TTC14: variants seen among roughly 807,000 people sequenced by gnomAD.
TTC14 encodes tetratricopeptide repeat domain 14.
In TTC14, 63 loss-of-function variants were observed where a neutral mutation model predicts 79.9. That is an observed-to-expected ratio of 0.79 (90% CI 0.64 to 0.97). The LOEUF (loss-of-function observed/expected upper bound fraction) is 0.97, where lower values mean the gene tolerates loss of function less well. Among genes scored for constraint, TTC14 ranks in the 50% least tolerant of loss-of-function variants. The probability of loss-of-function intolerance (pLI) is 0.00; values close to 1 mark genes in which losing one functional copy is unlikely to be tolerated. For synonymous variants in TTC14, 335 were observed against 309.6 expected (o/e 1.08, Z -0.86); for missense variants, 895 against 894.0 (o/e 1.00, Z -0.01).
chr3:180,608,207 A>G (rs1716796575), intron 10 of TTC14: 1 of 991,008 alleles, frequency 1.0e-6, no homozygotes, highest in South Asian at 4.6e-5. Flanking sequence ...ATCCCCATCC[A>G]CAAACTGGAA....
At chr3:180,616,279 A>G (rs1392482298) in intron 12 of TTC14, 2 of 1,612,992 alleles carry the variant, frequency 1.2e-6, no homozygotes, top group Non-Finnish European at 1.7e-6. Context: ...CCCTCCGCTT[A>G]CCTTGCTGAT....
chr3:180,612,155 G>A (rs142068410), downstream of TTC14, among the ~76,000 whole-genome samples: 1,041 of 152,222 alleles, frequency 6.8e-3, 12 homozygotes, highest in African/African-American at 0.023. Flanking sequence ...TCTTTACAAA[G>A]TCGTGTTTAT....
chr3:180,605,820 A>T lies in TTC14; in HGVS notation c.912A>T (p.Ala304=), dbSNP rs779265415. ...FASALRKKQS[A]SWALKCVKIG... is the part of the protein sequence containing the mutation. ...CTGCATTGAGAAAAAAACAATCCGC[A>T]TCTTGGGCTTTAAAATGGTATGAAG... The change falls in exon 7 of 12, where the codon GCA becomes GCT. Residue 304 remains alanine, a synonymous_variant. Transcript: ENST00000296015. 1 of 1,574,474 alleles carries T rather than the reference A, an allele frequency of 6.4e-7. No homozygotes were observed. The highest frequency in any genetic ancestry group is 2.3e-5 in the East Asian group (1 of 43,184).
Position 180,610,890 on chromosome 3 carries a change from T to G in TTC14, c.*348T>G, listed in dbSNP as rs556893771. On this transcript the variant is annotated 3_prime_UTR_variant, in exon 12 of 12. Transcript: ENST00000296015. ...CTTATTCTGCTGTTTGAGAGAAAAA[T>G]TTGTGCATTGAACACTTGGATCATT... 51 of 987,864 alleles carry G rather than the reference T, an allele frequency of 5.2e-5. No individual in the cohort carries two copies. The South Asian group carries it at 2.2e-3, about 42-fold the overall frequency. 61.2% of individuals were successfully genotyped at this position (987,864 alleles called of 1,614,324 possible). A position where few individuals can be genotyped will look rare whatever the true frequency, so the allele number is the denominator to read the frequency against.
At chr3:180,612,560 T>G (rs533124330), downstream of TTC14, among the ~76,000 whole-genome samples, 50 of 152,162 alleles carry the variant, frequency 3.3e-4, no homozygotes, top group African/African-American at 1.0e-3. Flanking sequence ...AGGCTAGAAA[T>G]TTGAGACTGG....
chr3:180,614,757 A>G, downstream of TTC14: 2 of 575,620 alleles, frequency 3.5e-6, no homozygotes, highest in Admixed American at 3.7e-5. Flanking sequence ...TGAAGAAAAC[A>G]GTAGAGAAAA....
At chr3:180,607,505 A>G in intron 9 of TTC14, 143 bp from the exon 10 acceptor site, 1 of 1,264,558 alleles carries the variant, frequency 7.9e-7, no homozygotes, top group Non-Finnish European at 1.0e-6. Context: ...AGTAAAAAGC[A>G]TATTATTTTG....
At position 180,608,753 on chromosome 3, in the gene TTC14, CAAA is replaced by C. The variant is rs748894771; in HGVS notation, c.1344_1346del (p.Lys450del). 2 of 1,559,228 alleles carry C rather than the reference CAAA, an allele frequency of 1.3e-6. No homozygotes were observed. The highest frequency in any genetic ancestry group is 2.8e-5 in the African/African-American group (2 of 72,184). On this transcript the variant is annotated inframe_deletion, in exon 11 of 12. Transcript: ENST00000296015. ...GCTGAAAAGGAAGAAAAGCAGAAAA[CAAA>C]GAAAATAGAAACAAGTGCAGAAAAG...
At chr3:180,603,406 G>T in intron 3 of TTC14, 83 bp downstream of exon 3, 1 of 1,182,030 alleles carries the variant, frequency 8.5e-7, no homozygotes. Context: ...ATGCAGTTGT[G>T]CTCAAGTATA....
At position 180,616,328 on chromosome 3, in the gene TTC14, G is replaced by A. The variant is rs1279047184; in HGVS notation, c.1775-1052G>A. The A allele has an allele frequency of 1.2e-6, 2 of 1,613,242 alleles. No homozygotes were observed. Among genetic ancestry groups the A allele is most frequent in the Admixed American group, 1.7e-5 (1 of 59,912 alleles). ...AAGGAGATCTAGAGCTCTGACGACT[G>A]CCTTTTGTGCTAGCTGTAGGTAGTT... is the stretch of plus-strand genomic sequence containing the variant. On this transcript the variant is annotated intron_variant, in intron 12 of 12. Coordinates refer to the TTC14 transcript ENST00000382584.
Position 180,610,409 on chromosome 3 carries a change from C to G in TTC14, c.2180C>G (p.Pro727Arg). 6.2e-7 allele frequency: 1 copy of G among 1,613,680 alleles called. No individual in the cohort carries two copies. The stretch of plus-strand genomic sequence containing the variant: ...GGGGAGGATATCAAAACAGAGGTTC[C>G]AGAAGAAGATGCACTAAGTAGCAAA... ...NYGEDIKTEV[P>R]EEDALSSKEH... The change falls in exon 12 of 12, where the codon CCA (proline) becomes CGA (arginine). Residue 727 changes from proline to arginine, a missense_variant. Physicochemically the swap from Pro to Arg is moderately radical, Grantham distance 103. Coordinates refer to ENST00000296015, the MANE Select transcript of TTC14 (RefSeq NM_133462.4).
chr3:180,605,466 A>G, intron 6 of TTC14: 2 of 221,442 alleles, frequency 9.0e-6, no homozygotes, highest in East Asian at 1.5e-4. Context: ...GATTTTTAGT[A>G]GAGTTGGGGT....
At chr3:180,611,392 T>A (rs539352850), downstream of TTC14, among the ~76,000 whole-genome samples, 29 of 152,264 alleles carry the variant, frequency 1.9e-4, no homozygotes, top group South Asian at 5.4e-3. Context: ...GAAAGAAAAT[T>A]GGGAGACTCT....
downstream of TTC14, among the ~76,000 whole-genome samples, chr3:180,615,650 G>A (rs1272337969): frequency 6.6e-6 from 1 of 151,964 alleles, no homozygotes; most frequent in East Asian, 1.9e-4. Context: ...ATTTTTACCT[G>A]GACTAAGGAA....
chr3:180,602,495 G>T lies in TTC14; in HGVS notation c.161+73G>T. ...CTGGCAGCCACTACCGCAGCCCCGG[G>T]TTTGCGTCTAGAGGAAGTGGAGCCG... is the stretch of plus-strand genomic sequence containing the variant. On this transcript the variant is annotated intron_variant, in intron 1 of 11. Transcript: ENST00000296015. 4.0e-6 allele frequency: 6 copies of T among 1,492,898 alleles called. No homozygotes were observed. In the South Asian group the frequency reaches 6.5e-5, roughly 16 times the overall value. The allele number at this position is 1,492,898 out of a possible 1,614,324, so 92.5% of individuals were successfully genotyped here.
At chr3:180,609,395 AAGT>A (rs1716864541) in intron 11 of TTC14, 31 of 1,199,118 alleles carry the variant, frequency 2.6e-5, no homozygotes, top group Non-Finnish European at 3.2e-5. Context: ...GTGTTGAAAA[AAGT>A]CTGTCTTTCA....
chr3:180,610,373 A>G lies in TTC14; in HGVS notation c.2144A>G (p.Glu715Gly), dbSNP rs1431379384. ...LNTNQGEYER[E>G]DNYGEDIKTE... ...ACAAATCAAGGAGAATATGAAAGAGAGGACAATTATGGGGAGGATATCAAA... is the reference window on the plus strand; with the variant it reads ...ACAAATCAAGGAGAATATGAAAGAGGGGACAATTATGGGGAGGATATCAAA... The change falls in exon 12 of 12, where the codon GAG becomes GGG. Residue 715 changes from glutamate to glycine, a missense_variant. Coordinates refer to ENST00000296015, the MANE Select transcript of TTC14 (RefSeq NM_133462.4). The G allele has an allele frequency of 1.2e-5, 19 of 1,613,638 alleles. No individual in the cohort carries two copies. In the East Asian group the frequency reaches 2.0e-4, roughly 17 times the overall value.
Position 180,610,486 on chromosome 3 carries a change from A to G in TTC14, c.2257A>G (p.Ile753Val), listed in dbSNP as rs1244735802. The change falls in exon 12 of 12, where the codon ATA becomes GTA. Residue 753 changes from isoleucine (I) to valine (V), a missense_variant. By Grantham distance (29) the Ile-to-Val change is conservative (BLOSUM62 3). Transcript: ENST00000296015. ...KKNLPQNLLN[I>V]FNQIAEFEKE... ...AAATTTACCTCAGAATTTACTGAAT[A>G]TATTTAATCAGATAGCTGAATTTGA... 4 of 1,592,082 alleles carry G rather than the reference A, an allele frequency of 2.5e-6. No individual in the cohort carries two copies. Among genetic ancestry groups the G allele is most frequent in the East Asian group, 2.2e-5 (1 of 44,770 alleles).
downstream of TTC14, chr3:180,614,657 G>T: frequency 6.0e-6 from 2 of 333,382 alleles, no homozygotes; most frequent in Non-Finnish European, 1.1e-5. Context: ...CTAACACTAC[G>T]AACATCAGAA....
Sources: allele counts gnomAD v4.1 joint callset (sites outside exome capture counted in the v4.1 genomes callset), GRCh38; gene constraint gnomAD v4.1.1; transcripts MANE v1.5; gene names NCBI Gene and HGNC (gene_info 2026-07-23, HGNC 2026-07-21).